PCDH7: variants seen among roughly 807,000 people sequenced by gnomAD.
The protein encoded by PCDH7 is protocadherin-7.
In PCDH7, 17 loss-of-function variants were observed where a neutral mutation model predicts 58.9. The ratio of observed to expected loss-of-function variants is 0.29; its 90% confidence interval spans 0.20 to 0.43. PCDH7 has a LOEUF of 0.43. Among genes scored for constraint, PCDH7 ranks in the 20% least tolerant of loss-of-function variants. The pLI is 1.00. For synonymous variants in PCDH7, 664 were observed against 616.4 expected (o/e 1.08, Z -1.14); for missense variants, 1,274 against 1,441.0 (o/e 0.88, Z 1.88).
intron 1 of PCDH7, among the ~76,000 whole-genome samples, chr4:30,756,699 C>G (rs902018463): frequency 6.6e-6 from 1 of 152,172 alleles, no homozygotes; most frequent in Non-Finnish European, 1.5e-5. Context: ...ATTACTCATT[C>G]TCTTCCTGTC....
chr4:30,976,289 C>T (rs572857756), intron 3 of PCDH7, among the ~76,000 whole-genome samples: 1 of 151,980 alleles, frequency 6.6e-6, no homozygotes, highest in Non-Finnish European at 1.5e-5. Flanking sequence ...TGGGGTTTCT[C>T]CATGTTGGTC....
intron 2 of PCDH7, among the ~76,000 whole-genome samples, chr4:30,947,887 C>G (rs1433817910): frequency 6.6e-6 from 1 of 152,108 alleles, no homozygotes; most frequent in African/African-American, 2.4e-5. Context: ...CCTCTAGTAT[C>G]CTCTGTTCTA....
intron 3 of PCDH7, among the ~76,000 whole-genome samples, chr4:31,085,912 A>G (rs910170352): frequency 3.3e-5 from 5 of 151,254 alleles, no homozygotes; most frequent in Admixed American, 2.6e-4. Flanking sequence ...TTCATTTACA[A>G]ATGACCATGT....
intron 1 of PCDH7, among the ~76,000 whole-genome samples, chr4:30,774,393 T>C (rs1332531392): frequency 6.6e-6 from 1 of 152,212 alleles, no homozygotes; most frequent in Non-Finnish European, 1.5e-5. Flanking sequence ...TTTATGTTTA[T>C]GTATGTCAAA....
At chr4:31,041,999 A>T (rs1015712741) in intron 3 of PCDH7, among the ~76,000 whole-genome samples, 1 of 152,152 alleles carries the variant, frequency 6.6e-6, no homozygotes, top group Admixed American at 6.6e-5. Context: ...TCAAAAAGGT[A>T]ATCATGTGAA....
At chr4:30,957,336 G>A (rs1747964002) in intron 3 of PCDH7, among the ~76,000 whole-genome samples, 1 of 152,162 alleles carries the variant, frequency 6.6e-6, no homozygotes, top group Non-Finnish European at 1.5e-5. Context: ...GGGGAAAAAT[G>A]TCTTCAGACA....
chr4:30,858,345 G>A (rs944769199), intron 1 of PCDH7, among the ~76,000 whole-genome samples: 2 of 151,954 alleles, frequency 1.3e-5, no homozygotes, highest in East Asian at 1.9e-4. Flanking sequence ...CCATCCTTAC[G>A]GATTTGTGAA....
At chr4:30,934,770 CCTT>C (rs1358073090) in intron 2 of PCDH7, among the ~76,000 whole-genome samples, 1 of 152,044 alleles carries the variant, frequency 6.6e-6, no homozygotes, top group African/African-American at 2.4e-5. Context: ...TTTAAAAAGT[CCTT>C]CTTAAATATA....
At chr4:30,999,632 C>T (rs549112754) in intron 3 of PCDH7, among the ~76,000 whole-genome samples, 30 of 152,128 alleles carry the variant, frequency 2.0e-4, no homozygotes, top group African/African-American at 5.5e-4. Context: ...TGTAAAGACA[C>T]GGGACCAAAC....
At chr4:31,059,052 A>G (rs1490613742) in intron 3 of PCDH7, among the ~76,000 whole-genome samples, 1 of 152,030 alleles carries the variant, frequency 6.6e-6, no homozygotes, top group South Asian at 2.1e-4. Context: ...TGATGCTTAA[A>G]AAACATTTCA....
intron 3 of PCDH7, among the ~76,000 whole-genome samples, chr4:31,027,765 T>A (rs78197791): frequency 1.2e-4 from 18 of 152,336 alleles, no homozygotes; most frequent in African/African-American, 3.8e-4. Context: ...TGCTTTCCTA[T>A]ATACAAGTAT....
rs551792385 is a variant in PCDH7, at chr4:30,997,364, T to C, written c.*7+47149T>C. On this transcript the variant is annotated intron_variant, in intron 3 of 3. Coordinates refer to the PCDH7 transcript ENST00000509759. ...ATGGTAATTTCAACCTCCAGTTGGA[T>C]GTTATTTTTGTTAGAATTTAAAATG... Among the ~76,000 whole-genome samples, 14 of 152,270 alleles carry C rather than the reference T, an allele frequency of 9.2e-5. 2 individuals carry two copies. Among genetic ancestry groups the C allele is most frequent in the Admixed American group, 2.0e-4 (3 of 15,298 alleles).
chr4:31,052,355 T>C (rs1355407959), intron 3 of PCDH7, among the ~76,000 whole-genome samples: 1 of 152,158 alleles, frequency 6.6e-6, no homozygotes, highest in Non-Finnish European at 1.5e-5. Flanking sequence ...ATTTTGAAAC[T>C]ACACAAAGGA....
chr4:30,996,742 G>A (rs943720040), intron 3 of PCDH7, among the ~76,000 whole-genome samples: 1 of 152,160 alleles, frequency 6.6e-6, no homozygotes, highest in South Asian at 2.1e-4. Context: ...GAATAACTAG[G>A]TTTAATTATA....
At chr4:30,948,501 G>A (rs1197924064) in intron 2 of PCDH7, among the ~76,000 whole-genome samples, 3 of 152,020 alleles carry the variant, frequency 2.0e-5, no homozygotes, top group Non-Finnish European at 4.4e-5. Flanking sequence ...TTACTGAAAT[G>A]CAGAGGTTTT....
At chr4:30,790,782 G>T (rs1317421769) in intron 1 of PCDH7, among the ~76,000 whole-genome samples, 1 of 151,960 alleles carries the variant, frequency 6.6e-6, no homozygotes, top group African/African-American at 2.4e-5. Flanking sequence ...AAATTAGCCG[G>T]GTGTGGTGGC....
intron 1 of PCDH7, among the ~76,000 whole-genome samples, chr4:30,728,820 A>T (rs889663082): frequency 6.6e-6 from 1 of 151,216 alleles, no homozygotes; most frequent in Admixed American, 6.6e-5. Context: ...CATATCTCGT[A>T]TGTGAAAAAG....
chr4:30,819,214 C>G (rs1728053617), intron 1 of PCDH7, among the ~76,000 whole-genome samples: 1 of 152,048 alleles, frequency 6.6e-6, no homozygotes, highest in African/African-American at 2.4e-5. Flanking sequence ...TAAACAGTGT[C>G]TTTTAGGGAA....
chr4:30,942,199 C>T (rs1018249689), intron 2 of PCDH7, among the ~76,000 whole-genome samples: 1 of 151,894 alleles, frequency 6.6e-6, no homozygotes, highest in African/African-American at 2.4e-5. Flanking sequence ...CAAGGATCTA[C>T]TCACAATTTC....
Sources: allele counts gnomAD v4.1 joint callset (sites outside exome capture counted in the v4.1 genomes callset), GRCh38; gene constraint gnomAD v4.1.1; transcripts MANE v1.5; gene names NCBI Gene and HGNC (gene_info 2026-07-23, HGNC 2026-07-21).